The following CHLSN variants were observed in gnomAD, a reference collection of about 807,000 sequenced individuals.
The protein encoded by CHLSN is cholesin.
chr7:1,093,147 CCCTGCCTGCCGCTGCA>C, the CHLSN span: 576 of 610,990 alleles, frequency 9.4e-4, 4 homozygotes, highest in South Asian at 2.7e-3. Context: ...TCCCCGCCAA[CCCTGCCTGCCGCTGCA>C]CCTGCCTGCC....
chr7:1,068,505 A>C, the CHLSN span, among the ~76,000 whole-genome samples: 16,514 of 152,104 alleles, frequency 0.11, 1,192 homozygotes, highest in Middle Eastern at 0.25. Flanking sequence ...TTGCAAAATC[A>C]GTTCTCAGTG....
the CHLSN span, among the ~76,000 whole-genome samples, chr7:1,001,091 A>AGCTC: frequency 1.3e-5 from 2 of 151,970 alleles, no homozygotes; most frequent in African/African-American, 4.8e-5. Context: ...GGGCCTGTGG[A>AGCTC]CATCAGGCAG....
At chr7:1,090,857 C>T in the CHLSN span, among the ~76,000 whole-genome samples, 17 of 152,324 alleles carry the variant, frequency 1.1e-4, no homozygotes, top group South Asian at 2.1e-4. Context: ...CTCTATATTA[C>T]GAAAATAAGT....
chr7:1,067,477 G>A, the CHLSN span, among the ~76,000 whole-genome samples: 1 of 35,312 alleles, frequency 2.8e-5, no homozygotes, highest in Non-Finnish European at 6.3e-5. Flanking sequence ...CCAGAGGTGC[G>A]GGTTTGGGGC....
the CHLSN span, among the ~76,000 whole-genome samples, chr7:1,135,797 A>AATTTATTT: frequency 2.9e-5 from 4 of 136,282 alleles, no homozygotes; most frequent in African/African-American, 8.2e-5. Context: ...ATATATACAC[A>AATTTATTT]ATTTATTTAT....
chr7:1,001,990 G>GT, the CHLSN span, among the ~76,000 whole-genome samples: 2 of 83,510 alleles, frequency 2.4e-5, no homozygotes, highest in African/African-American at 5.0e-5. Flanking sequence ...CCTGTGGGTG[G>GT]GGAGTCCTGT....
chr7:1,011,444 AAC>A, the CHLSN span, among the ~76,000 whole-genome samples: 5 of 108,444 alleles, frequency 4.6e-5, no homozygotes, highest in South Asian at 8.7e-4. Context: ...CACACACCCA[AAC>A]ACGCCCACAG....
the CHLSN span, among the ~76,000 whole-genome samples, chr7:1,102,997 G>A: frequency 3.3e-5 from 5 of 152,224 alleles, no homozygotes; most frequent in Non-Finnish European, 7.3e-5. Context: ...CTCTGTTGCC[G>A]TCTAGACCCC....
chr7:1,096,893 G>T, the CHLSN span, among the ~76,000 whole-genome samples: 1 of 152,136 alleles, frequency 6.6e-6, no homozygotes, highest in Non-Finnish European at 1.5e-5. This position sits in a 1 kb window ranked among gnomAD's most constrained non-coding sequence, Gnocchi z 4.6. Flanking sequence ...GTGGGGGAGA[G>T]AACTACAAAG....
the CHLSN span, chr7:1,022,953 G>A: frequency 1.3e-5 from 6 of 469,008 alleles, no homozygotes; most frequent in Admixed American, 2.2e-5. Context: ...TGGGGCAGGC[G>A]CCGGCTCTGT....
the CHLSN span, among the ~76,000 whole-genome samples, chr7:978,599 C>T: frequency 3.3e-5 from 5 of 152,332 alleles, no homozygotes; most frequent in African/African-American, 1.2e-4. Context: ...TATTTCCACC[C>T]GGATCCCCAG....
the CHLSN span, among the ~76,000 whole-genome samples, chr7:990,447 T>C: frequency 6.6e-6 from 1 of 151,974 alleles, no homozygotes; most frequent in Non-Finnish European, 1.5e-5. Flanking sequence ...GCGCTGACCA[T>C]GCACGTGAGC....
the CHLSN span, chr7:1,091,600 G>C: frequency 3.8e-6 from 3 of 785,328 alleles, no homozygotes; most frequent in African/African-American, 3.5e-5. Flanking sequence ...CTCCTGGGGA[G>C]TTTCCTGTCT....
the CHLSN span, among the ~76,000 whole-genome samples, chr7:1,068,509 C>T: frequency 6.6e-6 from 1 of 152,140 alleles, no homozygotes; most frequent in Non-Finnish European, 1.5e-5. Context: ...AAAATCAGTT[C>T]TCAGTGAAGG....
chr7:1,068,899 G>A, the CHLSN span, among the ~76,000 whole-genome samples: 15 of 152,158 alleles, frequency 9.9e-5, 1 homozygote, highest in African/African-American at 1.9e-4. Context: ...GGTGATGTCC[G>A]GGAAGACTGT....
chr7:992,012 G>A, the CHLSN span, among the ~76,000 whole-genome samples: 7 of 152,274 alleles, frequency 4.6e-5, no homozygotes, highest in South Asian at 6.2e-4. Context: ...GGCAGCCCGC[G>A]AGCCCAGCTT....
the CHLSN span, chr7:983,173 G>A: frequency 1.4e-6 from 2 of 1,440,560 alleles, no homozygotes; most frequent in Non-Finnish European, 1.8e-6. Flanking sequence ...GGGGGGACGG[G>A]GCCCAGGAGG....
At chr7:1,032,533 G>A in the CHLSN span, among the ~76,000 whole-genome samples, 1 of 150,990 alleles carries the variant, frequency 6.6e-6, no homozygotes. Context: ...GGCACCCCCA[G>A]GTGACAGTGG....
chr7:1,026,962 G>A, the CHLSN span: 1 of 152,212 alleles, frequency 6.6e-6, no homozygotes, highest in South Asian at 2.1e-4. Context: ...TCTCATCTCA[G>A]AGGCCCCTTC....
Sources: allele counts gnomAD v4.1 joint callset (sites outside exome capture counted in the v4.1 genomes callset), GRCh38; gene constraint gnomAD v4.1.1; non-coding constraint Gnocchi (gnomAD v3.1); transcripts MANE v1.5; gene names NCBI Gene and HGNC (gene_info 2026-07-23, HGNC 2026-07-21).